Variants in CIZ1 observed in about 807,000 individuals in gnomAD.
The protein encoded by CIZ1 is cip1-interacting zinc finger protein.
Under a neutral mutation model 118.6 loss-of-function variants are expected in CIZ1, and 58 were observed. The ratio of observed to expected loss-of-function variants is 0.49; its 90% CI spans 0.40 to 0.61. CIZ1 has a LOEUF of 0.61. Among genes scored for constraint, CIZ1 ranks in the 20% least tolerant of loss-of-function variants. The pLI is 0.00. For synonymous variants in CIZ1, 448 were observed against 443.4 expected (o/e 1.01, Z -0.13); for missense variants, 921 against 1,115.9 (o/e 0.83, Z 2.49).
chr9:128,191,631 C>A, upstream of CIZ1: 8 of 1,222,470 alleles, frequency 6.5e-6, no homozygotes, highest in Non-Finnish European at 8.2e-6. The surrounding 1 kb of genome is among the most constrained non-coding windows in gnomAD (Gnocchi z 5.5). Flanking sequence ...GAGGTCCAGG[C>A]GCCTCCGGCC....
At chr9:128,197,773 A>T (rs570705165) in intron 1 of CIZ1, 5 of 152,286 alleles carry the variant, frequency 3.3e-5, no homozygotes, top group Admixed American at 3.3e-4. Flanking sequence ...GATGATGGTT[A>T]TAATGACACT....
At position 128,177,183 on chromosome 9, in the gene CIZ1, C is replaced by T. The variant is rs55715246; in HGVS notation, c.1818+383G>A. ...GATTACAGGCGTGAGCCACTGTGCCCGACCCTAAACTTTCCTTTGTCTGAT... is the reference window on the plus strand; with the variant it reads ...GATTACAGGCGTGAGCCACTGTGCCTGACCCTAAACTTTCCTTTGTCTGAT... On this transcript the variant is annotated intron_variant, in intron 10 of 16. Transcript: ENST00000372938. 9.0e-3 allele frequency among the ~76,000 whole-genome samples: 1,373 copies of T among 152,250 alleles called. 32 individuals carry two copies. Among genetic ancestry groups the T allele is most frequent in the African/African-American group, 0.032 (1,320 of 41,550 alleles).
upstream of CIZ1, among the ~76,000 whole-genome samples, chr9:128,196,348 G>A (rs1833376991): frequency 2.0e-5 from 3 of 152,036 alleles, no homozygotes; most frequent in South Asian, 2.1e-4. Flanking sequence ...AGAAATTCAA[G>A]ACCAGGCTGG....
rs778136705 is a variant in CIZ1, at chr9:128,180,438, C to A, written c.768G>T (p.Glu256Asp). ...ACCTCCTCAATCTCTTTGCTGGCAG[C>A]TCGGACGCCTCACAAGGCTCAGGCT... ...APEPEPCEAS[E>D]LPAKRLRSSE... Residue 256 changes from glutamate to aspartate, a missense_variant, in exon 7 of 17, where the codon GAG (glutamate) becomes GAT (aspartate). Coordinates refer to ENST00000372938, the MANE Select transcript of CIZ1 (RefSeq NM_001131016.2). The A allele has an allele frequency of 3.1e-6, 5 of 1,614,110 alleles. No homozygotes were observed. The South Asian group carries it at 5.5e-5, about 18-fold the overall frequency.
intron 5 of CIZ1, among the ~76,000 whole-genome samples, chr9:128,182,653 T>C (rs998379649): frequency 1.3e-5 from 2 of 152,124 alleles, no homozygotes; most frequent in African/African-American, 4.8e-5. Flanking sequence ...ACCTTGGCCT[T>C]CTCTCTGGTC....
chr9:128,189,807 A>T (rs1003107231), intron 3 of CIZ1, among the ~76,000 whole-genome samples: 2 of 133,026 alleles, frequency 1.5e-5, no homozygotes, highest in Non-Finnish European at 3.1e-5. Context: ...CCTGGGCGAC[A>T]GAGCAAAACT....
At chr9:128,195,025 T>C (rs1029520136), upstream of CIZ1, among the ~76,000 whole-genome samples, 1 of 152,052 alleles carries the variant, frequency 6.6e-6, no homozygotes, top group African/African-American at 2.4e-5. Context: ...TCTCACTATG[T>C]TGCCCGGGCT....
intron 11 of CIZ1, among the ~76,000 whole-genome samples, chr9:128,173,556 G>A (rs1021772060): frequency 6.6e-6 from 1 of 152,130 alleles, no homozygotes; most frequent in African/African-American, 2.4e-5. Context: ...GGGATTATAG[G>A]TGTGAGCCAC....
At chr9:128,193,152 A>G (rs976199145), upstream of CIZ1, among the ~76,000 whole-genome samples, 2 of 152,194 alleles carry the variant, frequency 1.3e-5, no homozygotes, top group Admixed American at 1.3e-4. Context: ...GCTAGGACTT[A>G]GAGGCGCGAA....
In CIZ1 at chr9:128,180,415, C is replaced by T; in HGVS notation, c.791G>A (p.Ser264Asn). 6.2e-7 allele frequency: 1 copy of T among 1,612,728 alleles called. No homozygotes were observed. The highest frequency in any genetic ancestry group is 1.1e-5 in the South Asian group (1 of 91,046). The change falls in exon 7 of 17, where the codon AGC (serine) becomes AAC (asparagine). Residue 264 changes from serine (S) to asparagine (N), a missense_variant and splice_region_variant. Ser to Asn is a conservative substitution (Grantham distance 46). Coordinates refer to ENST00000372938, the MANE Select transcript of CIZ1 (RefSeq NM_001131016.2). ...ASELPAKRLR[S>N]SEEPTEKEPP... ...AGGTCAGGTTTTCAGCATCAGTTAC[C>T]TCCTCAATCTCTTTGCTGGCAGCTC...
Position 128,177,547 on chromosome 9 carries a change from T to G in CIZ1, c.1818+19A>C. The G allele has an allele frequency of 9.8e-6, 4 of 409,486 alleles. No individual in the cohort carries two copies. The highest frequency in any genetic ancestry group is 9.3e-6 in the Non-Finnish European group (2 of 214,116). 25.4% of individuals were successfully genotyped at this position (409,486 alleles called of 1,614,324 possible). A position where few individuals can be genotyped will look rare whatever the true frequency, so the allele number is the denominator to read the frequency against. On this transcript the variant is annotated intron_variant, in intron 10 of 16. Transcript: ENST00000372938. Reference sequence around the variant, plus strand: ...ACGCAGGCCCCACCCCTCCCCACCCTTATCTCCTGTATCAGTACCTGCTGG... The same window carrying G: ...ACGCAGGCCCCACCCCTCCCCACCCGTATCTCCTGTATCAGTACCTGCTGG...
chr9:128,199,920 C>G (rs1833471448), intron 1 of CIZ1: 1 of 151,578 alleles, frequency 6.6e-6, no homozygotes, highest in Non-Finnish European at 1.5e-5. Context: ...TCTCGAGTAC[C>G]TGGGATTACA....
intron 5 of CIZ1, among the ~76,000 whole-genome samples, chr9:128,182,934 T>C (rs1274056101): frequency 6.6e-6 from 1 of 152,092 alleles, no homozygotes; most frequent in Admixed American, 6.6e-5. Flanking sequence ...TCCACAGTCT[T>C]AATTAATTGG....
rs538067590 is a variant in CIZ1 at position 128,179,017 on chromosome 9, G to C, written c.1190C>G (p.Ala397Gly). 6.2e-7 allele frequency: 1 copy of C among 1,611,648 alleles called. No homozygotes were observed. The highest frequency in any genetic ancestry group is 1.3e-5 in the African/African-American group (1 of 74,988). ...GPRQVQLQQEAEPLKQVQPQV... is the reference protein window; with the variant it reads ...GPRQVQLQQEGEPLKQVQPQV... ...TGGCTGCACCTGCTTCAGCGGCTCT[G>C]CCTCCTGCTGCAGCTGCACCTGCCT... The change falls in exon 8 of 17, where the codon GCA becomes GGA. Residue 397 changes from alanine to glycine, a missense_variant. By Grantham distance (60) the Ala-to-Gly change is moderately conservative. Transcript: ENST00000372938.
At chr9:128,178,210 C>T (rs1326438765) in intron 9 of CIZ1, among the ~76,000 whole-genome samples, 159 bp downstream of exon 9, 1 of 152,132 alleles carries the variant, frequency 6.6e-6, no homozygotes, top group Non-Finnish European at 1.5e-5. Context: ...CTATCAAGCC[C>T]AGCCTGGTCT....
intron 11 of CIZ1, among the ~76,000 whole-genome samples, chr9:128,175,315 A>C (rs145741635): frequency 9.9e-5 from 15 of 152,146 alleles, no homozygotes; most frequent in Non-Finnish European, 1.8e-4. Flanking sequence ...AGATTTTTTC[A>C]TCATGATACT....
At chr9:128,168,393 G>T (rs1324445031) in intron 14 of CIZ1, among the ~76,000 whole-genome samples, 1 of 152,100 alleles carries the variant, frequency 6.6e-6, no homozygotes, top group Non-Finnish European at 1.5e-5. Flanking sequence ...GTGGGCACCT[G>T]TGATCCCAGC....
rs370367731 is a variant in CIZ1 at position 128,182,410 on chromosome 9, G to A, written c.589-1596C>T. On this transcript the variant is annotated intron_variant, in intron 5 of 16. Coordinates refer to ENST00000372938, the MANE Select transcript of CIZ1 (RefSeq NM_001131016.2). The stretch of plus-strand genomic sequence containing the variant: ...CCCGCCTCGGCCTCCCAAAGTGCTG[G>A]GATTACAGGCGTGAGCCACCACACC... 3.7e-4 allele frequency among the ~76,000 whole-genome samples: 57 copies of A among 152,264 alleles called. 1 individual carries two copies. In the East Asian group the frequency reaches 0.01, roughly 28 times the overall value.
chr9:128,177,541 C>CCCCCCCAAAAA, intron 10 of CIZ1, 25 bp downstream of exon 10: 1 of 1,228,108 alleles, frequency 8.1e-7, no homozygotes, highest in Non-Finnish European at 1.1e-6. Context: ...CCACCCCTCC[C>CCCCCCCAAAAA]CACCCTTATC....
Sources: allele counts gnomAD v4.1 joint callset (sites outside exome capture counted in the v4.1 genomes callset), GRCh38; gene constraint gnomAD v4.1.1; non-coding constraint Gnocchi (gnomAD v3.1); transcripts MANE v1.5; gene names NCBI Gene and HGNC (gene_info 2026-07-23, HGNC 2026-07-21).